BCL11B: variants seen among roughly 807,000 people sequenced by gnomAD.
The protein encoded by BCL11B is B-cell lymphoma/leukemia 11B.
A neutral mutation model predicts 49.9 loss-of-function variants in BCL11B; 8 were observed. The observed-to-expected ratio is 0.16, with a 90% CI of 0.09 to 0.29. The LOEUF (loss-of-function observed/expected upper bound fraction) is 0.29, where lower values mean the gene tolerates loss of function less well. BCL11B is among the 10% of genes least tolerant of loss of function. The probability of loss-of-function intolerance (pLI) is 1.00; values close to 1 mark genes in which losing one functional copy is unlikely to be tolerated. For synonymous variants in BCL11B, 739 were observed against 637.4 expected, an observed-to-expected ratio of 1.16 and a Z score of -2.40; for missense variants, 1,006 against 1,351.0, an observed-to-expected ratio of 0.74 and a Z score of 4.00.
chr14:99,258,996 C>T (rs1003963758), intron 1 of BCL11B, among the ~76,000 whole-genome samples: 1 of 112,274 alleles, frequency 8.9e-6, no homozygotes, highest in Non-Finnish European at 1.9e-5. Flanking sequence ...AATTGGAAGA[C>T]TCGGCAGCCA....
chr14:99,216,108 A>AGCT (rs1886837711), intron 3 of BCL11B, among the ~76,000 whole-genome samples: 1 of 152,264 alleles, frequency 6.6e-6, no homozygotes, highest in Admixed American at 6.5e-5. Flanking sequence ...TTCACAGGCC[A>AGCT]GCTGCTGCTT....
rs1188995073 is a variant in BCL11B at position 99,213,055 on chromosome 14, G to A, written c.640+18290C>T. Among the ~76,000 whole-genome samples, 2 of 152,214 alleles carry A rather than the reference G, an allele frequency of 1.3e-5. No individual in the cohort carries two copies. Among genetic ancestry groups the A allele is most frequent in the Non-Finnish European group, 2.9e-5 (2 of 68,034 alleles). ...TCACCTGAGCAGGATGCCCACCAGG[G>A]GAGAGGGGACCCTAGACCCTGTGCC... On this transcript the variant is annotated intron_variant, in intron 3 of 3. Coordinates refer to ENST00000357195, the MANE Select transcript of BCL11B (RefSeq NM_138576.4). The surrounding 1 kb of genome is among the most constrained non-coding windows in gnomAD (Gnocchi z 5.1).
chr14:99,235,070 G>A (rs1295756188), intron 2 of BCL11B, among the ~76,000 whole-genome samples: 1 of 152,088 alleles, frequency 6.6e-6, no homozygotes, highest in Non-Finnish European at 1.5e-5. Flanking sequence ...CAGCGAACAC[G>A]CCCACCGCCG....
chr14:99,172,863 C>T lies in BCL11B; in HGVS notation c.*1288G>A, dbSNP rs1196052659. ...GAGATAGGAAAAAAAAAATAAAAAC[C>T]TGGGAAGTAGCGCTGGGCACCTTCT... On this transcript the variant is annotated 3_prime_UTR_variant, in exon 4 of 4. Coordinates refer to ENST00000357195, the MANE Select transcript of BCL11B (RefSeq NM_138576.4). 1 of 227,182 alleles carries T rather than the reference C, an allele frequency of 4.4e-6. No individual in the cohort carries two copies. Among genetic ancestry groups the T allele is most frequent in the Admixed American group, 5.7e-5 (1 of 17,576 alleles). 14.1% of individuals were successfully genotyped at this position (227,182 alleles called of 1,614,324 possible).
rs1482023062 is a variant in BCL11B at position 99,225,898 on chromosome 14, CTT to C, written c.640+5445_640+5446del. Among the ~76,000 whole-genome samples the C allele has an allele frequency of 3.2e-3, 486 of 152,266 alleles. 1 individual carries two copies. The highest frequency in any genetic ancestry group is 0.01 in the African/African-American group (425 of 41,574). On this transcript the variant is annotated intron_variant, in intron 3 of 3. Transcript: ENST00000357195. ...GCTGGTAGGTGCCCCAACTGGGGGG[CTT>C]CCCCCAACTGGGGGGCTTGCAGCTC...
chr14:99,204,160 C>A, intron 3 of BCL11B, among the ~76,000 whole-genome samples: 1 of 152,172 alleles, frequency 6.6e-6, no homozygotes, highest in Non-Finnish European at 1.5e-5. Context: ...GGTGGGCCCA[C>A]AAAAGGGGTT....
intron 3 of BCL11B, among the ~76,000 whole-genome samples, chr14:99,209,688 TG>T (rs1887633828): frequency 6.6e-6 from 1 of 151,756 alleles, no homozygotes; most frequent in South Asian, 2.1e-4. Context: ...AGGCTGAGGG[TG>T]GGGGAAGAAG....
At chr14:99,220,211 A>T (rs996002459) in intron 3 of BCL11B, among the ~76,000 whole-genome samples, 1 of 152,232 alleles carries the variant, frequency 6.6e-6, no homozygotes, top group Admixed American at 6.5e-5. Context: ...TAAATATAGG[A>T]TTACCCTTTG....
intron 2 of BCL11B, among the ~76,000 whole-genome samples, chr14:99,256,435 TA>T (rs980233111): frequency 6.6e-6 from 1 of 152,232 alleles, no homozygotes; most frequent in African/African-American, 2.4e-5. Flanking sequence ...ATGAAGTGGC[TA>T]ATCCAAAGTC....
intron 3 of BCL11B, among the ~76,000 whole-genome samples, chr14:99,193,693 C>T (rs1046586344): frequency 2.0e-5 from 3 of 152,192 alleles, no homozygotes; most frequent in Non-Finnish European, 4.4e-5. Context: ...GAGAAACCAA[C>T]AGCCAAACAC....
intron 1 of BCL11B, among the ~76,000 whole-genome samples, chr14:99,267,550 C>G (rs1566837598): frequency 6.7e-6 from 1 of 149,732 alleles, no homozygotes; most frequent in Non-Finnish European, 1.5e-5. Context: ...CTTCACCCCC[C>G]CCCCACCAAC....
At chr14:99,234,564 T>G (rs1214418037) in intron 2 of BCL11B, among the ~76,000 whole-genome samples, 1 of 152,138 alleles carries the variant, frequency 6.6e-6, no homozygotes, top group Non-Finnish European at 1.5e-5. Flanking sequence ...GGCTGTCTCC[T>G]GGCCTCGTGA....
chr14:99,179,473 T>TAAAAA (rs35703913), intron 3 of BCL11B, among the ~76,000 whole-genome samples: 1 of 54,562 alleles, frequency 1.8e-5, no homozygotes, highest in Non-Finnish European at 3.3e-5. Context: ...GAATCCATCT[T>TAAAAA]AAAAAAAAAA....
Position 99,174,911 on chromosome 14 carries a change from C to A in BCL11B, c.1925G>T (p.Cys642Phe). The A allele has an allele frequency of 2.6e-6, 3 of 1,140,700 alleles. No homozygotes were observed. The highest frequency in any genetic ancestry group is 3.2e-6 in the Non-Finnish European group (3 of 925,326). 70.7% of individuals were successfully genotyped at this position (1,140,700 alleles called of 1,614,324 possible). ...DAGDDDDAGG[C>F]GDAGAGGAVN... Reference sequence around the variant, plus strand: ...CGCGCCGCCCGCGCCCGCGTCCCCGCAGCCGCCCGCGTCGTCGTCGTCGCC... The same window carrying A: ...CGCGCCGCCCGCGCCCGCGTCCCCGAAGCCGCCCGCGTCGTCGTCGTCGCC... Residue 642 changes from cysteine (C) to phenylalanine (F), a missense_variant, in exon 4 of 4, where the codon TGC becomes TTC. By Grantham distance (205) the Cys-to-Phe change is radical. This residue lies in a region of BCL11B where 443 missense variants were observed against 499.7 expected (regional missense o/e 0.89). Transcript: ENST00000357195.
intron 3 of BCL11B, among the ~76,000 whole-genome samples, chr14:99,229,307 T>A (rs1160914002): frequency 1.3e-5 from 2 of 152,170 alleles, no homozygotes; most frequent in Non-Finnish European, 1.5e-5. Flanking sequence ...TAGCAGGCCC[T>A]CCATACACAG....
rs566859499 is a variant in BCL11B at position 99,253,413 on chromosome 14, C to T, written c.427+4058G>A. Among the ~76,000 whole-genome samples the T allele has an allele frequency of 4.6e-5, 7 of 152,326 alleles. No individual in the cohort carries two copies. The South Asian group carries it at 1.0e-3, about 23-fold the overall frequency. On this transcript the variant is annotated intron_variant, in intron 2 of 3. Transcript: ENST00000357195. The stretch of plus-strand genomic sequence containing the variant: ...GACAGGAGCCCATTGCCAAGAAGAC[C>T]GGTGCAAGCTGCTCTAACGCCTGAA...
intron 3 of BCL11B, among the ~76,000 whole-genome samples, chr14:99,198,850 G>A (rs566883393): frequency 2.6e-5 from 4 of 152,126 alleles, no homozygotes; most frequent in Middle Eastern, 3.4e-3. Flanking sequence ...AAAACTCTTC[G>A]GCGAATGGGG....
intron 3 of BCL11B, among the ~76,000 whole-genome samples, chr14:99,203,061 G>T (rs1887432753): frequency 6.6e-6 from 1 of 152,160 alleles, no homozygotes; most frequent in Admixed American, 6.5e-5. Flanking sequence ...GCACGAAGCT[G>T]GGCCCTTCCA....
rs954012370 is a variant in BCL11B, at chr14:99,192,244, C to T, written c.641-16049G>A. ...CTGTCTTGGCAGCGTTTCCTTGGAG[C>T]GCACACGGTGAACCTGGCTCTCGCA... is the stretch of plus-strand genomic sequence containing the variant. On this transcript the variant is annotated intron_variant, in intron 3 of 3. Coordinates refer to ENST00000357195, the MANE Select transcript of BCL11B (RefSeq NM_138576.4). The surrounding 1 kb of genome is among the most constrained non-coding windows in gnomAD (Gnocchi z 4.0). Among the ~76,000 whole-genome samples, 3 of 152,140 alleles carry T rather than the reference C, an allele frequency of 2.0e-5. No individual in the cohort carries two copies. The highest frequency in any genetic ancestry group is 7.2e-5 in the African/African-American group (3 of 41,430).
Sources: allele counts gnomAD v4.1 joint callset (sites outside exome capture counted in the v4.1 genomes callset), GRCh38; gene constraint gnomAD v4.1.1; regional missense constraint gnomAD v4.1.1; non-coding constraint Gnocchi (gnomAD v3.1); transcripts MANE v1.5; gene names NCBI Gene and HGNC (gene_info 2026-07-23, HGNC 2026-07-21).